Variants in USP8 observed in about 807,000 individuals in gnomAD.
USP8 encodes the protein ubiquitin carboxyl-terminal hydrolase 8.
Under a neutral mutation model 130.0 loss-of-function variants are expected in USP8, and 27 were observed. The ratio of observed to expected loss-of-function variants is 0.21; its 90% confidence interval spans 0.15 to 0.29. The LOEUF (loss-of-function observed/expected upper bound fraction) is 0.29, where lower values mean the gene tolerates loss of function less well. Ranked by LOEUF, USP8 falls within the 10% of genes least tolerant of loss-of-function variation. The pLI is 1.00. For synonymous variants in USP8, 392 were observed against 444.1 expected, an observed-to-expected ratio of 0.88 and a Z score of 1.48; for missense variants, 1,029 against 1,312.2, an observed-to-expected ratio of 0.78 and a Z score of 3.33.
In USP8 at chr15:50,430,285, T is replaced by A. The variant is rs529367552; in HGVS notation, c.-66+5771T>A. Among the ~76,000 whole-genome samples, 6 of 152,092 alleles carry A rather than the reference T, an allele frequency of 3.9e-5. No individual in the cohort carries two copies. The South Asian group carries it at 1.2e-3, about 32-fold the overall frequency. ...TCGCTTGAACCGGGGAGGTGGAGGTTTTGGTGAGCCGAGATTGCGCCACTG... is the reference window on the plus strand; with the variant it reads ...TCGCTTGAACCGGGGAGGTGGAGGTATTGGTGAGCCGAGATTGCGCCACTG... On this transcript the variant is annotated intron_variant, in intron 1 of 19. Coordinates refer to ENST00000307179, the MANE Select transcript of USP8 (RefSeq NM_005154.5).
chr15:50,487,041 T>C (rs1347520954), intron 12 of USP8, among the ~76,000 whole-genome samples: 1 of 151,820 alleles, frequency 6.6e-6, no homozygotes, highest in Non-Finnish European at 1.5e-5. Context: ...GGAGAACCGC[T>C]TGAACCCAGG....
At chr15:50,491,309 T>G (rs1002889837) in intron 14 of USP8, among the ~76,000 whole-genome samples, 2 of 152,238 alleles carry the variant, frequency 1.3e-5, no homozygotes, top group Non-Finnish European at 2.9e-5. Flanking sequence ...CCTAAGTAAG[T>G]TGAACACATC....
At chr15:50,482,315 A>G in intron 11 of USP8, among the ~76,000 whole-genome samples, 1 of 152,250 alleles carries the variant, frequency 6.6e-6, no homozygotes, top group East Asian at 1.9e-4. Context: ...TATATTTCAA[A>G]TAATTGAGAT....
chr15:50,425,948 C>G (rs1386461244), intron 1 of USP8, among the ~76,000 whole-genome samples: 4 of 151,988 alleles, frequency 2.6e-5, no homozygotes, highest in Non-Finnish European at 1.5e-5. Context: ...ATGGCGAAAC[C>G]CGGTCTCTAC....
Position 50,490,481 on chromosome 15 carries a change from G to C in USP8, c.2190G>C (p.Glu730Asp), listed in dbSNP as rs770297801. Residue 730 changes from glutamate (E) to aspartate (D), a missense_variant, in exon 14 of 20, where the codon GAG (glutamate) becomes GAC (aspartate). This residue lies in a region of USP8 where 486 missense variants were observed against 522.0 expected (regional missense o/e 0.93). Coordinates refer to ENST00000307179, the MANE Select transcript of USP8 (RefSeq NM_005154.5). ...TAACCCAGGCTATTCAAGAGGAAGA[G>C]AAGAGGAAGCCAACAGTAACTCCAA... ...PDITQAIQEE[E>D]KRKPTVTPTV... is the part of the protein sequence containing the mutation. 1.2e-6 allele frequency: 2 copies of C among 1,614,158 alleles called. No homozygotes were observed. The highest frequency in any genetic ancestry group is 3.3e-5 in the Admixed American group (2 of 60,016).
chr15:50,508,292 G>T lies in USP8; in HGVS notation c.*9204G>T, dbSNP rs2052691449. 6.6e-6 allele frequency: 1 copy of T among 152,126 alleles called. No homozygotes were observed. Among genetic ancestry groups the T allele is most frequent in the Non-Finnish European group, 1.5e-5 (1 of 68,028 alleles). 9.4% of individuals were successfully genotyped at this position (152,126 alleles called of 1,614,324 possible). A position where few individuals can be genotyped will look rare whatever the true frequency, so the allele number is the denominator to read the frequency against. On this transcript the variant is annotated 3_prime_UTR_variant, in exon 20 of 20. Coordinates refer to ENST00000307179, the MANE Select transcript of USP8 (RefSeq NM_005154.5). ...ATATCAAAACATGGGATGCACTGAT[G>T]TCTGAGAATGTCTTAAAAATAATAC...
rs757006077 is a variant in USP8 at position 50,500,855 on chromosome 15, G to A, written c.*1767G>A. 8 of 1,561,992 alleles carry A rather than the reference G, an allele frequency of 5.1e-6. No individual in the cohort carries two copies. In the South Asian group the frequency reaches 8.2e-5, roughly 16 times the overall value. On this transcript the variant is annotated 3_prime_UTR_variant, in exon 20 of 20. Transcript: ENST00000307179. ...AAATGGTTCTATGGGAGAAAGGAAT[G>A]TCAAACTTAGTATTCACATATGAAC... is the stretch of plus-strand genomic sequence containing the variant.
intron 12 of USP8, among the ~76,000 whole-genome samples, chr15:50,485,550 ATTTTTTTTTTTTTTTTTTTTTTT>A (rs71424071): frequency 0.012 from 338 of 28,006 alleles, 23 homozygotes; most frequent in Admixed American, 0.025. Context: ...CAGTTTAGTG[ATTTTTTTTTTTTTTTTTTTTTTT>A]TTTTTTTTTT....
intron 1 of USP8, among the ~76,000 whole-genome samples, chr15:50,431,449 C>T (rs1261524240): frequency 6.6e-6 from 1 of 152,102 alleles, no homozygotes; most frequent in Non-Finnish European, 1.5e-5. Flanking sequence ...CATAATGTGA[C>T]TCCATCTCCT....
Position 50,481,869 on chromosome 15 carries a change from A to C in USP8, c.1607A>C (p.Glu536Ala). 3.2e-6 allele frequency: 5 copies of C among 1,548,966 alleles called. No homozygotes were observed. The highest frequency in any genetic ancestry group is 4.3e-6 in the Non-Finnish European group (5 of 1,153,528). ...AAAGAAAGTGAACAGGCCAAGAAAG[A>C]AGATAAAGAAACCTCAGCAAAGAGG... ...EKKESEQAKK[E>A]DKETSAKRGK... The change falls in exon 11 of 20, where the codon GAA (glutamate) becomes GCA (alanine). Residue 536 changes from glutamate (E) to alanine (A), a missense_variant. Physicochemically the swap from Glu to Ala is moderately radical, Grantham distance 107. Coordinates refer to ENST00000307179, the MANE Select transcript of USP8 (RefSeq NM_005154.5).
At position 50,495,923 on chromosome 15, in the gene USP8, C is replaced by G; in HGVS notation, c.2734C>G (p.Gln912Glu). 2 of 1,613,674 alleles carry G rather than the reference C, an allele frequency of 1.2e-6. No individual in the cohort carries two copies. Among genetic ancestry groups the G allele is most frequent in the Non-Finnish European group, 1.7e-6 (2 of 1,179,988 alleles). The change falls in exon 17 of 20, where the codon CAG (glutamine) becomes GAG (glutamate). Residue 912 changes from glutamine (Q) to glutamate (E), a missense_variant. By Grantham distance (29) the Gln-to-Glu change is conservative. Around this residue, in one of 4 missense-constraint regions of USP8, gnomAD observed 257 missense variants for 429.8 expected, o/e 0.60. Transcript: ENST00000307179. ...CTTTAAAGCTGCAGAACATGCCTGG[C>G]AGAAACACAAGCAGCTCAATGAGTC... is the stretch of plus-strand genomic sequence containing the variant. ...DDFKAAEHAWQKHKQLNESII... is the reference protein window; with the variant it reads ...DDFKAAEHAWEKHKQLNESII...
intron 8 of USP8, among the ~76,000 whole-genome samples, chr15:50,472,568 G>C (rs1351342378): frequency 6.9e-6 from 1 of 145,812 alleles, no homozygotes; most frequent in African/African-American, 2.6e-5. Flanking sequence ...CTGCACTCCA[G>C]CCTGGGAGAC....
intron 8 of USP8, among the ~76,000 whole-genome samples, chr15:50,476,112 A>G (rs1411922034): frequency 6.6e-6 from 1 of 152,092 alleles, no homozygotes; most frequent in African/African-American, 2.4e-5. Flanking sequence ...TGTTCAAACG[A>G]TTGACTCAGT....
chr15:50,448,900 A>G (rs1173196129), intron 3 of USP8, among the ~76,000 whole-genome samples: 1 of 152,138 alleles, frequency 6.6e-6, no homozygotes, highest in Non-Finnish European at 1.5e-5. Context: ...AACTTGTTTT[A>G]TGTATCAAAA....
chr15:50,431,165 C>CTGTGTGTGTGTGTGTGTGTGTGTG (rs56771450), intron 1 of USP8, among the ~76,000 whole-genome samples: 15,092 of 140,738 alleles, frequency 0.11, 1,009 homozygotes, highest in Non-Finnish European at 0.12. Flanking sequence ...GTGTGTGCCT[C>CTGTGTGTGTGTGTGTGTGTGTGTG]TGTGTGTGTG....
In USP8 at chr15:50,481,466, G is replaced by A. The variant is rs1383571254; in HGVS notation, c.1219-15G>A. On this transcript the variant is annotated splice_polypyrimidine_tract_variant and intron_variant, in intron 10 of 19. Transcript: ENST00000307179. ...TTTTTGACAAAAATGTTTTGCTCTG[G>A]TTTTGTTGCTCTAGATTGATCGTAC... The A allele has an allele frequency of 5.3e-6, 8 of 1,509,032 alleles. No homozygotes were observed. Among genetic ancestry groups the A allele is most frequent in the Non-Finnish European group, 7.1e-6 (8 of 1,131,424 alleles). The allele number at this position is 1,509,032 out of a possible 1,614,324, so 93.5% of individuals were successfully genotyped here. A position where few individuals can be genotyped will look rare whatever the true frequency, so the allele number is the denominator to read the frequency against.
intron 1 of USP8, among the ~76,000 whole-genome samples, chr15:50,432,049 A>G (rs1210314772): frequency 6.6e-6 from 1 of 152,164 alleles, no homozygotes; most frequent in Admixed American, 6.6e-5. Flanking sequence ...CTGCGTGTGT[A>G]TGAGGATTTT....
chr15:50,459,081 G>C lies in USP8; in HGVS notation c.417G>C (p.Gln139His), dbSNP rs1458768704. The part of the protein sequence containing the change: ...EEAQRLQQKR[Q>H]ETGREDGGTL... ...CACAGCGGCTACAACAAAAAAGGCA[G>C]GAAACAGGAAGAGAGGATGGTGGCA... The change falls in exon 5 of 20, where the codon CAG becomes CAC. Residue 139 changes from glutamine to histidine, a missense_variant. Physicochemically the swap from Gln to His is conservative, Grantham distance 24. Transcript: ENST00000307179. 1 of 1,613,976 alleles carries C rather than the reference G, an allele frequency of 6.2e-7. No homozygotes were observed. Among genetic ancestry groups the C allele is most frequent in the Non-Finnish European group, 8.5e-7 (1 of 1,180,032 alleles).
chr15:50,462,745 C>T (rs1210062948), intron 6 of USP8, among the ~76,000 whole-genome samples: 2 of 152,092 alleles, frequency 1.3e-5, no homozygotes, highest in Non-Finnish European at 2.9e-5. Context: ...GTTTCCTTGT[C>T]TGTAAAGTGG....
Sources: allele counts gnomAD v4.1 joint callset (sites outside exome capture counted in the v4.1 genomes callset), GRCh38; gene constraint gnomAD v4.1.1; regional missense constraint gnomAD v4.1.1; transcripts MANE v1.5; gene names NCBI Gene and HGNC (gene_info 2026-07-23, HGNC 2026-07-21).